Variants in DOCK3 observed in about 807,000 individuals in gnomAD.
The protein encoded by DOCK3 is dedicator of cytokinesis protein 3.
In DOCK3, 60 loss-of-function variants were observed where a neutral mutation model predicts 265.6. The ratio of observed to expected loss-of-function variants is 0.23; its 90% CI spans 0.18 to 0.28. DOCK3 has a LOEUF of 0.28. Ranked by LOEUF, DOCK3 falls within the 10% of genes least tolerant of loss-of-function variation. DOCK3 has a pLI of 1.00. For missense variants in DOCK3, 1,981 were observed against 2,594.3 expected (o/e 0.76, Z 5.14); for synonymous variants, 881 against 938.0 (o/e 0.94, Z 1.11).
rs192877786 is a variant in DOCK3, at chr3:50,779,564, A to T, written c.121+806A>T. On this transcript the variant is annotated intron_variant, in intron 2 of 52. Transcript: ENST00000266037. ...ACGCCCAGCTAATTTTTGTAGTTTTAGTAGAGATAGGATTTCACCATGTTG... is the reference window on the plus strand; with the variant it reads ...ACGCCCAGCTAATTTTTGTAGTTTTTGTAGAGATAGGATTTCACCATGTTG... 4.0e-3 allele frequency among the ~76,000 whole-genome samples: 612 copies of T among 152,008 alleles called. 7 individuals carry two copies. The highest frequency in any genetic ancestry group is 7.1e-3 in the Non-Finnish European group (483 of 67,966).
At chr3:50,707,264 C>T (rs1211160551) in intron 1 of DOCK3, among the ~76,000 whole-genome samples, 4 of 151,730 alleles carry the variant, frequency 2.6e-5, no homozygotes, top group Non-Finnish European at 5.9e-5. Context: ...GGTAAAACCC[C>T]GTCTCTACTA....
intron 1 of DOCK3, among the ~76,000 whole-genome samples, chr3:50,766,951 C>A (rs2040923690): frequency 6.6e-6 from 1 of 152,094 alleles, no homozygotes; most frequent in South Asian, 2.1e-4. Context: ...ATATCCTTTG[C>A]CCACTTTTGG....
At chr3:51,007,386 AT>A in intron 5 of DOCK3, among the ~76,000 whole-genome samples, 1 of 152,144 alleles carries the variant, frequency 6.6e-6, no homozygotes, top group Admixed American at 6.5e-5. Flanking sequence ...GATGATGAGC[AT>A]TTTTTCATGT....
chr3:50,807,697 G>T lies in DOCK3; in HGVS notation c.121+28939G>T, dbSNP rs73077017. Among the ~76,000 whole-genome samples, 1,000 of 152,328 alleles carry T rather than the reference G, an allele frequency of 6.6e-3. 4 individuals are homozygous for T. Among genetic ancestry groups the T allele is most frequent in the South Asian group, 0.011 (55 of 4,828 alleles). On this transcript the variant is annotated intron_variant, in intron 2 of 52. Coordinates refer to ENST00000266037, the MANE Select transcript of DOCK3 (RefSeq NM_004947.5). ...ATGTGTAAAATGTGCAGTAGAATCTGTAGAAAATATTGAGAATAACTAAGG... is the reference window on the plus strand; with the variant it reads ...ATGTGTAAAATGTGCAGTAGAATCTTTAGAAAATATTGAGAATAACTAAGG...
chr3:50,942,381 T>G lies in DOCK3; in HGVS notation c.315+8304T>G, dbSNP rs565609421. ...ATTTTACTAATAAAAACAATAATGG[T>G]TTTAGACATTTTTAGCATCAATTAT... On this transcript the variant is annotated intron_variant, in intron 5 of 52. Coordinates refer to ENST00000266037, the MANE Select transcript of DOCK3 (RefSeq NM_004947.5). Among the ~76,000 whole-genome samples, 169 of 152,146 alleles carry G rather than the reference T, an allele frequency of 1.1e-3. 1 individual carries two copies. The highest frequency in any genetic ancestry group is 2.0e-3 in the Admixed American group (30 of 15,290).
intron 26 of DOCK3, chr3:51,278,383 A>C: frequency 7.1e-6 from 7 of 985,396 alleles, no homozygotes; most frequent in Non-Finnish European, 8.4e-6. Context: ...CTTACTTCTC[A>C]GCCCTGAGGT....
At chr3:51,081,590 A>G (rs1382359051) in intron 7 of DOCK3, among the ~76,000 whole-genome samples, 7 of 152,110 alleles carry the variant, frequency 4.6e-5, no homozygotes, top group Non-Finnish European at 1.0e-4. Flanking sequence ...CACAGATATA[A>G]GTGTGAGTCA....
At chr3:50,692,457 A>G (rs1479793907) in intron 1 of DOCK3, among the ~76,000 whole-genome samples, 2 of 152,192 alleles carry the variant, frequency 1.3e-5, no homozygotes, top group East Asian at 3.9e-4. Flanking sequence ...TCATACTCCT[A>G]TGAGAATCTA....
At chr3:51,166,841 T>C (rs1022330129) in intron 12 of DOCK3, among the ~76,000 whole-genome samples, 3 of 152,218 alleles carry the variant, frequency 2.0e-5, no homozygotes, top group Admixed American at 6.5e-5. Flanking sequence ...TTATATGAGT[T>C]CTTTATATAG....
intron 9 of DOCK3, among the ~76,000 whole-genome samples, chr3:51,103,145 T>C (rs1434413962): frequency 1.3e-5 from 2 of 152,224 alleles, no homozygotes; most frequent in Non-Finnish European, 2.9e-5. Context: ...ACGATATCTT[T>C]TTCTTTCAAG....
chr3:50,829,528 T>C (rs1171421106), intron 2 of DOCK3, among the ~76,000 whole-genome samples: 4 of 152,146 alleles, frequency 2.6e-5, no homozygotes, highest in African/African-American at 7.2e-5. Flanking sequence ...AATGTCAACA[T>C]TTTTCTCTTA....
intron 5 of DOCK3, among the ~76,000 whole-genome samples, chr3:50,962,346 G>A (rs187791809): frequency 1.3e-5 from 2 of 152,168 alleles, no homozygotes; most frequent in East Asian, 1.9e-4. Context: ...CTATCTAAAG[G>A]GCTGTTATTT....
At chr3:50,992,919 T>C (rs954671269) in intron 5 of DOCK3, among the ~76,000 whole-genome samples, 5 of 152,202 alleles carry the variant, frequency 3.3e-5, no homozygotes, top group African/African-American at 9.6e-5. Context: ...GCCCAGGACC[T>C]GATGGATTCA....
intron 9 of DOCK3, among the ~76,000 whole-genome samples, chr3:51,128,120 C>T (rs1012798422): frequency 3.9e-5 from 6 of 152,146 alleles, no homozygotes; most frequent in Non-Finnish European, 7.3e-5. Context: ...TTGATAGCAG[C>T]GTTCCTTCTT....
rs766226823 is a variant in DOCK3, at chr3:51,214,250, A to G, written c.1252+3A>G. On this transcript the variant is annotated splice_donor_region_variant and intron_variant, in intron 14 of 52. Transcript: ENST00000266037. Reference sequence around the variant, plus strand: ...ATTTCCTGATGTCATTATGCCAGGTATGCAGAACTGCTTGGGGCTGGGAAG... The same window carrying G: ...ATTTCCTGATGTCATTATGCCAGGTGTGCAGAACTGCTTGGGGCTGGGAAG... 1.9e-6 allele frequency: 3 copies of G among 1,613,520 alleles called. No homozygotes were observed. The highest frequency in any genetic ancestry group is 2.5e-6 in the Non-Finnish European group (3 of 1,179,660).
chr3:51,272,754 T>C (rs757124209), intron 24 of DOCK3, among the ~76,000 whole-genome samples: 1 of 152,122 alleles, frequency 6.6e-6, no homozygotes, highest in Non-Finnish European at 1.5e-5. Context: ...AGGAACTGTT[T>C]ATGCTGGTAA....
intron 1 of DOCK3, among the ~76,000 whole-genome samples, chr3:50,769,950 C>T (rs1288483929): frequency 6.6e-6 from 1 of 151,858 alleles, no homozygotes; most frequent in Non-Finnish European, 1.5e-5. Context: ...AAACTACAGA[C>T]TTCACCAAAA....
chr3:51,364,743 C>T lies in DOCK3; in HGVS notation c.5293+2069C>T, dbSNP rs183280094. Among the ~76,000 whole-genome samples, 14 of 152,202 alleles carry T rather than the reference C, an allele frequency of 9.2e-5. No homozygotes were observed. In the East Asian group the frequency reaches 2.7e-3, roughly 29 times the overall value. On this transcript the variant is annotated intron_variant, in intron 49 of 52. Transcript: ENST00000266037. ...CAGCACCATTTATTAAATAGAGAAT[C>T]TTTCCCCATTGCTTGTTTTTGTCAG...
chr3:50,931,753 T>C (rs750763007), intron 4 of DOCK3, among the ~76,000 whole-genome samples: 3 of 152,202 alleles, frequency 2.0e-5, no homozygotes, highest in Non-Finnish European at 4.4e-5. Context: ...GTGAGAAAAG[T>C]GAGTCTCTTG....
Sources: gnomAD v4.1 joint callset for allele counts (sites outside exome capture counted in the v4.1 genomes callset) on GRCh38, gnomAD v4.1.1 for gene constraint, MANE v1.5 for transcripts, NCBI Gene and HGNC (gene_info 2026-07-23, HGNC 2026-07-21) for gene names.